NCOA3: variants seen among roughly 807,000 people sequenced by gnomAD.
The protein encoded by NCOA3 is CBP-interacting protein.
A neutral mutation model predicts 158.8 loss-of-function variants in NCOA3; 51 were observed. The ratio of observed to expected loss-of-function variants is 0.32; its 90% CI spans 0.26 to 0.41. The LOEUF (loss-of-function observed/expected upper bound fraction) is 0.41. Ranked by LOEUF, NCOA3 falls within the 10% of genes least tolerant of loss-of-function variation. The pLI is 1.00. For missense variants in NCOA3, 1,510 were observed against 1,746.6 expected (o/e 0.86, Z 2.41); for synonymous variants, 537 against 592.4 (o/e 0.91, Z 1.36).
chr20:47,614,077 G>GT (rs55702343), intron 2 of NCOA3, among the ~76,000 whole-genome samples: 70,155 of 151,632 alleles, frequency 0.46, 16,761 homozygotes, highest in Middle Eastern at 0.59. Context: ...CGTTATAAAA[G>GT]CTCTTCCCTG....
intron 8 of NCOA3, among the ~76,000 whole-genome samples, chr20:47,629,608 G>A (rs1408092407): frequency 6.6e-6 from 1 of 152,198 alleles, no homozygotes; most frequent in Admixed American, 6.6e-5. Context: ...TGGGATTACA[G>A]GCATGAGCCA....
At chr20:47,546,026 T>G (rs2868802) in intron 1 of NCOA3, among the ~76,000 whole-genome samples, 23,514 of 152,126 alleles carry the variant, frequency 0.15, 2,862 homozygotes, top group African/African-American at 0.33. Context: ...GTATATTGTT[T>G]ATGTGAGATA....
chr20:47,526,568 G>T (rs1020667589), intron 1 of NCOA3, among the ~76,000 whole-genome samples: 1 of 152,216 alleles, frequency 6.6e-6, no homozygotes, highest in African/African-American at 2.4e-5. Flanking sequence ...AGACTAGCCC[G>T]GCCAACACAG....
intron 1 of NCOA3, among the ~76,000 whole-genome samples, chr20:47,568,728 A>G (rs2085240803): frequency 6.6e-6 from 1 of 151,928 alleles, no homozygotes; most frequent in African/African-American, 2.4e-5. Context: ...CCTGGGAGGC[A>G]GAAGCTGCAG....
chr20:47,549,354 T>C (rs577825943), intron 1 of NCOA3, among the ~76,000 whole-genome samples: 51 of 150,438 alleles, frequency 3.4e-4, no homozygotes, highest in Admixed American at 6.6e-4. Flanking sequence ...AGACCCCAGA[T>C]TGACAAAAAA....
At chr20:47,572,268 C>A (rs1186346756) in intron 1 of NCOA3, among the ~76,000 whole-genome samples, 2 of 152,132 alleles carry the variant, frequency 1.3e-5, no homozygotes, top group East Asian at 3.8e-4. Context: ...TGGAGTAGCA[C>A]TTTTAATTTC....
At chr20:47,641,081 C>G (rs1263657462) in intron 16 of NCOA3, among the ~76,000 whole-genome samples, 1 of 152,068 alleles carries the variant, frequency 6.6e-6, no homozygotes, top group Non-Finnish European at 1.5e-5. Context: ...CTTCTCTACT[C>G]TATATGAATT....
chr20:47,525,605 GCGGGGGGC>G (rs2084420423), intron 1 of NCOA3, among the ~76,000 whole-genome samples: 1 of 140,168 alleles, frequency 7.1e-6, no homozygotes, highest in African/African-American at 2.9e-5. Flanking sequence ...GGCTGGCCGG[GCGGGGGGC>G]TGACCCCCCC....
intron 1 of NCOA3, among the ~76,000 whole-genome samples, chr20:47,543,432 A>C (rs903912408): frequency 2.0e-5 from 3 of 152,072 alleles, no homozygotes; most frequent in Non-Finnish European, 4.4e-5. Flanking sequence ...ATCAGAAGAC[A>C]CATGACGTCT....
intron 1 of NCOA3, among the ~76,000 whole-genome samples, chr20:47,569,377 A>G (rs1225079646): frequency 6.6e-6 from 1 of 151,820 alleles, no homozygotes; most frequent in Non-Finnish European, 1.5e-5. Flanking sequence ...AATAAAAAAT[A>G]AATAATTTTG....
Position 47,519,431 on chromosome 20 carries a change from CAA to C in NCOA3, c.-99+17423_-99+17424del, listed in dbSNP as rs11479403. Among the ~76,000 whole-genome samples the C allele has an allele frequency of 7.6e-5, 11 of 144,194 alleles. No individual in the cohort carries two copies. The East Asian group carries it at 1.0e-3, about 13-fold the overall frequency. 94.6% of individuals were successfully genotyped at this position (144,194 alleles called of 152,430 possible). The stretch of plus-strand genomic sequence containing the variant: ...TGGGTGACAGAGCGAGACTCCATCT[CAA>C]AAAAAAAAAATGATATTTTTAGTTT... On this transcript the variant is annotated intron_variant, in intron 1 of 22. Coordinates refer to ENST00000371998, the MANE Select transcript of NCOA3 (RefSeq NM_181659.3).
At chr20:47,581,745 T>C (rs944981457) in intron 1 of NCOA3, among the ~76,000 whole-genome samples, 4 of 152,254 alleles carry the variant, frequency 2.6e-5, no homozygotes, top group African/African-American at 7.2e-5. Flanking sequence ...ACTTATTTAT[T>C]GCAGCAGAAC....
At chr20:47,511,846 G>T (rs564457755) in intron 1 of NCOA3, among the ~76,000 whole-genome samples, 11 of 152,144 alleles carry the variant, frequency 7.2e-5, no homozygotes, top group Admixed American at 3.3e-4. Flanking sequence ...TGGACATATT[G>T]TGTGGAATAA....
At chr20:47,527,473 T>C (rs893531985) in intron 1 of NCOA3, among the ~76,000 whole-genome samples, 2 of 152,240 alleles carry the variant, frequency 1.3e-5, no homozygotes, top group African/African-American at 2.4e-5. Flanking sequence ...TGAGTTCTTA[T>C]TTTGTTTCTG....
rs565453227 is a variant in NCOA3 at position 47,626,506 on chromosome 20, T to TC, written c.358-490dup. On this transcript the variant is annotated intron_variant, in intron 5 of 22. Coordinates refer to ENST00000371998, the MANE Select transcript of NCOA3 (RefSeq NM_181659.3). The stretch of plus-strand genomic sequence containing the variant: ...ACCCCCAATTATTCTTCTTTTTTTT[T>TC]CCCCCCAGTAAGGCCTGTAGTAATG... Among the ~76,000 whole-genome samples the TC allele has an allele frequency of 1.5e-4, 22 of 150,990 alleles. No homozygotes were observed. The East Asian group carries it at 2.3e-3, about 16-fold the overall frequency.
chr20:47,594,944 A>G (rs986327557), intron 2 of NCOA3, among the ~76,000 whole-genome samples: 1 of 151,452 alleles, frequency 6.6e-6, no homozygotes, highest in Non-Finnish European at 1.5e-5. Context: ...GGCACCCGCC[A>G]CCACGACTGG....
intron 1 of NCOA3, among the ~76,000 whole-genome samples, chr20:47,512,334 G>T (rs751486673): frequency 1.9e-4 from 29 of 151,934 alleles, no homozygotes; most frequent in Non-Finnish European, 3.4e-4. Context: ...ACTTTGGGAG[G>T]CTGAGGCGGG....
chr20:47,643,486 T>G (rs1379365822), intron 17 of NCOA3, among the ~76,000 whole-genome samples: 1 of 152,228 alleles, frequency 6.6e-6, no homozygotes, highest in African/African-American at 2.4e-5. Context: ...AGTTCTTTTT[T>G]ATTTCTTTAC....
chr20:47,604,645 C>T (rs142836806), intron 2 of NCOA3, among the ~76,000 whole-genome samples: 21 of 152,228 alleles, frequency 1.4e-4, no homozygotes, highest in African/African-American at 4.6e-4. Flanking sequence ...GCTATGTTGC[C>T]CAGGCTGGTC....
Sources: allele counts gnomAD v4.1 joint callset (sites outside exome capture counted in the v4.1 genomes callset), GRCh38; gene constraint gnomAD v4.1.1; transcripts MANE v1.5; gene names NCBI Gene and HGNC (gene_info 2026-07-23, HGNC 2026-07-21).